Variants in PTPRG observed in about 807,000 individuals in gnomAD.
The protein encoded by PTPRG is protein tyrosine phosphatase receptor type G.
A neutral mutation model predicts 165.3 loss-of-function variants in PTPRG; 102 were observed. The observed-to-expected ratio is 0.62, with a 90% CI of 0.53 to 0.73. PTPRG has a LOEUF of 0.73. Among genes scored for constraint, PTPRG ranks in the 30% least tolerant of loss-of-function variants. PTPRG has a pLI of 0.00. For missense variants in PTPRG, 1,866 were observed against 1,861.4 expected (o/e 1.00, Z -0.05); for synonymous variants, 675 against 669.5 (o/e 1.01, Z -0.13).
At chr3:61,762,572 C>G (rs1363526383) in intron 2 of PTPRG, among the ~76,000 whole-genome samples, 1 of 152,186 alleles carries the variant, frequency 6.6e-6, no homozygotes, top group African/African-American at 2.4e-5. Flanking sequence ...GATCATGCCC[C>G]TGTACTCCAG....
intron 4 of PTPRG, among the ~76,000 whole-genome samples, chr3:62,027,156 G>T (rs556735662): frequency 6.6e-6 from 1 of 152,046 alleles, no homozygotes; most frequent in South Asian, 2.1e-4. Flanking sequence ...GAACAAACTG[G>T]GGATGACGCT....
intron 1 of PTPRG, among the ~76,000 whole-genome samples, chr3:61,707,336 G>C (rs1477728870): frequency 6.6e-6 from 1 of 152,192 alleles, no homozygotes; most frequent in Non-Finnish European, 1.5e-5. Flanking sequence ...TAACAAATTG[G>C]CTCATCGGAT....
intron 26 of PTPRG, among the ~76,000 whole-genome samples, chr3:62,278,292 C>T (rs1204428068): frequency 2.0e-5 from 3 of 151,436 alleles, no homozygotes; most frequent in Non-Finnish European, 4.4e-5. Context: ...TTTTTTTTTC[C>T]CACTCCATAG....
chr3:62,139,328 G>A (rs1249158876), intron 6 of PTPRG, among the ~76,000 whole-genome samples: 1 of 151,836 alleles, frequency 6.6e-6, no homozygotes, highest in Non-Finnish European at 1.5e-5. Flanking sequence ...GCTTGGTGGC[G>A]GGCACCTGTA....
At chr3:61,967,889 C>T (rs1274079556) in intron 2 of PTPRG, among the ~76,000 whole-genome samples, 1 of 152,128 alleles carries the variant, frequency 6.6e-6, no homozygotes, top group Non-Finnish European at 1.5e-5. Context: ...ACACAACTGA[C>T]TTCTAGATTT....
At chr3:62,002,807 C>A (rs2041205497) in intron 3 of PTPRG, among the ~76,000 whole-genome samples, 1 of 152,190 alleles carries the variant, frequency 6.6e-6, no homozygotes, top group Non-Finnish European at 1.5e-5. Flanking sequence ...TACAGACTCC[C>A]AACTGTCTTC....
chr3:61,778,245 GC>G (rs2034442253), intron 2 of PTPRG, among the ~76,000 whole-genome samples: 1 of 152,152 alleles, frequency 6.6e-6, no homozygotes, highest in South Asian at 2.1e-4. Context: ...AGCGGCAGGG[GC>G]TCAAGGGCTC....
At chr3:61,576,870 G>A (rs1700183723) in intron 1 of PTPRG, among the ~76,000 whole-genome samples, 1 of 152,160 alleles carries the variant, frequency 6.6e-6, no homozygotes. Context: ...CACTAATGGA[G>A]GTATAGGGAT....
intron 10 of PTPRG, among the ~76,000 whole-genome samples, chr3:62,200,315 G>A (rs151288527): frequency 1.3e-4 from 19 of 151,842 alleles, no homozygotes; most frequent in Middle Eastern, 3.4e-3. Context: ...TGTGTCATCA[G>A]GCTGGAATGC....
intron 1 of PTPRG, among the ~76,000 whole-genome samples, chr3:61,716,142 G>T (rs753138342): frequency 1.2e-4 from 19 of 152,142 alleles, no homozygotes; most frequent in Non-Finnish European, 2.5e-4. Flanking sequence ...ACTCTTTAGG[G>T]AATGGTTTGT....
chr3:61,875,582 T>G (rs1017945147), intron 2 of PTPRG, among the ~76,000 whole-genome samples: 5 of 152,078 alleles, frequency 3.3e-5, no homozygotes, highest in African/African-American at 1.2e-4. Context: ...GATTCAGACA[T>G]CTATCAGATG....
chr3:62,007,276 A>T (rs1006945145), intron 4 of PTPRG, among the ~76,000 whole-genome samples: 4 of 152,236 alleles, frequency 2.6e-5, no homozygotes, highest in African/African-American at 9.6e-5. Context: ...CAGAAATTAA[A>T]GCTCTCTGAA....
In PTPRG at chr3:62,207,401, G is replaced by T. The variant is rs150109664; in HGVS notation, c.2155+3451G>T. Among the ~76,000 whole-genome samples the T allele has an allele frequency of 3.2e-3, 490 of 152,334 alleles. 5 individuals carry two copies. The highest frequency in any genetic ancestry group is 4.2e-3 in the Non-Finnish European group (284 of 68,038). On this transcript the variant is annotated intron_variant, in intron 12 of 29. Transcript: ENST00000474889. ...GGTAAAACAAGCAAATCCCACATCAGTCAATGATCCTTCAGGTCTTGCTTC... is the reference window on the plus strand; with the variant it reads ...GGTAAAACAAGCAAATCCCACATCATTCAATGATCCTTCAGGTCTTGCTTC...
intron 2 of PTPRG, among the ~76,000 whole-genome samples, chr3:61,976,302 A>G (rs1382193035): frequency 1.3e-5 from 2 of 152,194 alleles, no homozygotes; most frequent in Non-Finnish European, 2.9e-5. Flanking sequence ...CAGCTTGACA[A>G]AGGAGATGGA....
At chr3:61,860,339 GC>G (rs2037226021) in intron 2 of PTPRG, among the ~76,000 whole-genome samples, 1 of 143,624 alleles carries the variant, frequency 7.0e-6, no homozygotes. Flanking sequence ...TTCCTTCCCA[GC>G]CCGTGAAAGC....
At chr3:61,975,790 C>T (rs928984738) in intron 2 of PTPRG, among the ~76,000 whole-genome samples, 12 of 152,084 alleles carry the variant, frequency 7.9e-5, no homozygotes, top group Non-Finnish European at 1.6e-4. Context: ...TATAATAATT[C>T]CTGTGGTCTG....
At position 62,277,653 on chromosome 3, in the gene PTPRG, G is replaced by A. The variant is rs769924756; in HGVS notation, c.3739G>A (p.Val1247Ile). 2 of 1,612,630 alleles carry A rather than the reference G, an allele frequency of 1.2e-6. No individual in the cohort carries two copies. The highest frequency in any genetic ancestry group is 1.7e-4 in the Middle Eastern group (1 of 6,058). Residue 1247 changes from valine to isoleucine, a missense_variant, in exon 26 of 30, where the codon GTC becomes ATC. Physicochemically the swap from Val to Ile is conservative, Grantham distance 29 (BLOSUM62 3). Coordinates refer to ENST00000474889, the MANE Select transcript of PTPRG (RefSeq NM_002841.4). Reference protein sequence around the residue: ...MIWDHNAQIIVMLPDNQSLAE... With the variant: ...MIWDHNAQIIIMLPDNQSLAE... ...TTGGGATCATAACGCACAGATCATT[G>A]TCATGCTGCCAGACAACCAGAGCTT...
At chr3:61,701,892 A>AAG (rs1031293859) in intron 1 of PTPRG, among the ~76,000 whole-genome samples, 1 of 152,054 alleles carries the variant, frequency 6.6e-6, no homozygotes, top group African/African-American at 2.4e-5. Context: ...CTGTCTAAAA[A>AAG]AGAGAGAGAG....
chr3:61,864,617 T>G (rs185330333), intron 2 of PTPRG, among the ~76,000 whole-genome samples: 76 of 152,294 alleles, frequency 5.0e-4, no homozygotes, highest in African/African-American at 1.7e-3. Flanking sequence ...TTGTTTCAGC[T>G]CTTAATTTTT....
Sources: gnomAD v4.1 joint callset for allele counts (sites outside exome capture counted in the v4.1 genomes callset) on GRCh38, gnomAD v4.1.1 for gene constraint, MANE v1.5 for transcripts, NCBI Gene and HGNC (gene_info 2026-07-23, HGNC 2026-07-21) for gene names.